C3: variants seen among roughly 807,000 people sequenced by gnomAD.
The protein encoded by C3 is C3 and PZP-like alpha-2-macroglobulin domain-containing protein 1.
C3 carries 97 observed loss-of-function variants against 207.9 expected under a neutral mutation model. That is an observed-to-expected ratio of 0.47 (90% CI 0.40 to 0.55). The LOEUF is 0.55. Ranked by LOEUF, C3 falls within the 20% of genes least tolerant of loss-of-function variation. The pLI, the probability that C3 is intolerant of heterozygous loss-of-function variation, is 0.00. For missense variants in C3, 1,684 were observed against 2,171.7 expected (o/e 0.78, Z 4.46); for synonymous variants, 848 against 857.6 (o/e 0.99, Z 0.20).
At chr19:6,717,571 TTTGTGTGTG>T (rs759800505) in intron 4 of C3, 37,578 of 240,142 alleles carry the variant, frequency 0.16, 3,551 homozygotes, top group Non-Finnish European at 0.2. Flanking sequence ...TGTGTTGTGT[TTTGTGTGTG>T]TTGTGTGTGT....
chr19:6,681,231 C>CT (rs929120011), intron 35 of C3, among the ~76,000 whole-genome samples: 1,880 of 138,200 alleles, frequency 0.014, 19 homozygotes, highest in Middle Eastern at 0.045. Context: ...TATCTACAAA[C>CT]TTTTTTTTTT....
chr19:6,677,830 A>C lies in C3; in HGVS notation c.*52T>G. ...TCTCCCTCTTGGCAAAGAACTCCAG[A>C]CACGTGAGATATAACTGAAGCTTTA... is the stretch of plus-strand genomic sequence containing the variant. On this transcript the variant is annotated 3_prime_UTR_variant, in exon 41 of 41. Coordinates refer to ENST00000245907, the MANE Select transcript of C3 (RefSeq NM_000064.4). 1 of 1,610,120 alleles carries C rather than the reference A, an allele frequency of 6.2e-7. No individual in the cohort carries two copies.
At chr19:6,698,138 T>G (rs1967580243) in intron 19 of C3, among the ~76,000 whole-genome samples, 1 of 151,978 alleles carries the variant, frequency 6.6e-6, no homozygotes, top group Admixed American at 6.6e-5. Flanking sequence ...TGCCTCAGCC[T>G]CTCGAGTAGC....
rs1967904878 is a variant in C3 at position 6,710,762 on chromosome 19, G to A, written c.1563C>T (p.Ile521=). Residue 521 remains isoleucine (I), a synonymous_variant, in exon 13 of 41, where the codon ATC becomes ATT. Coordinates refer to ENST00000245907, the MANE Select transcript of C3 (RefSeq NM_000064.4). ...GQDLVVLPLS[I]TTDFIPSFRL... is the part of the protein sequence containing the mutation. ...GGAAGGAAGGGATGAAGTCGGTGGT[G>A]ATGGACAGGGGCAGCACCACCAGGT... 2 of 1,613,904 alleles carry A rather than the reference G, an allele frequency of 1.2e-6. No homozygotes were observed. The highest frequency in any genetic ancestry group is 2.2e-5 in the East Asian group (1 of 44,886).
intron 24 of C3, among the ~76,000 whole-genome samples, 177 bp from the exon 25 acceptor site, chr19:6,693,664 AG>A (rs2145407354): frequency 7.4e-6 from 1 of 135,116 alleles, no homozygotes; most frequent in Non-Finnish European, 1.5e-5. Context: ...CAGAACGAGG[AG>A]GTGGAAAAGT....
At chr19:6,712,760 C>A in intron 9 of C3, 137 bp from the exon 10 acceptor site, 1 of 766,160 alleles carries the variant, frequency 1.3e-6, no homozygotes, top group African/African-American at 1.7e-5. Flanking sequence ...CCTGTGCCCC[C>A]CATCAGACTG....
At chr19:6,702,828 C>G (rs780722461) in intron 17 of C3, 117 of 421,596 alleles carry the variant, frequency 2.8e-4, no homozygotes, top group Non-Finnish European at 4.7e-4. Context: ...GAGGTCAGGA[C>G]TTTGAGACCA....
At chr19:6,680,941 G>A (rs1461295197) in intron 35 of C3, among the ~76,000 whole-genome samples, 4 of 152,098 alleles carry the variant, frequency 2.6e-5, no homozygotes, top group Non-Finnish European at 5.9e-5. Flanking sequence ...GCTCATGCTT[G>A]GAATCCCAGC....
At chr19:6,680,085 C>G in intron 36 of C3, 73 bp downstream of exon 36, 1 of 857,400 alleles carries the variant, frequency 1.2e-6, no homozygotes, top group Non-Finnish European at 2.0e-6. Flanking sequence ...CTCAGATCCC[C>G]ACAATTCATA....
intron 17 of C3, among the ~76,000 whole-genome samples, chr19:6,704,047 G>A (rs1967725119): frequency 6.6e-6 from 1 of 152,194 alleles, no homozygotes; most frequent in East Asian, 1.9e-4. Flanking sequence ...AGAGGCCAAG[G>A]TGGGAGGATG....
rs11569513 is a variant in C3 at position 6,690,449 on chromosome 19, C to G, written c.3489+180G>C. 0.11 allele frequency among the ~76,000 whole-genome samples: 16,075 copies of G among 152,212 alleles called. 1,022 individuals carry two copies. The highest frequency in any genetic ancestry group is 0.13 in the Non-Finnish European group (8,536 of 68,006). ...CTTAACATGTGAAACTATTAGAGGG[C>G]GGGTCTGTATTAGATGAGTTAAGTG... On this transcript the variant is annotated intron_variant, in intron 27 of 40. Transcript: ENST00000245907.
At chr19:6,693,561 G>A in intron 24 of C3, 74 bp from the exon 25 acceptor site, 3 of 1,354,646 alleles carry the variant, frequency 2.2e-6, no homozygotes, top group Non-Finnish European at 3.1e-6. Context: ...GGGCAGGGGC[G>A]GGGTGCAGAG....
chr19:6,701,935 C>G (rs1229028569), intron 19 of C3, among the ~76,000 whole-genome samples, 192 bp downstream of exon 19: 1 of 152,158 alleles, frequency 6.6e-6, no homozygotes, highest in Non-Finnish European at 1.5e-5. Context: ...TGACTCTTGG[C>G]TGAATTCTTT....
rs761085274 is a variant in C3 at position 6,718,417 on chromosome 19, G to A, written c.268-5C>T. The A allele has an allele frequency of 1.2e-5, 20 of 1,614,068 alleles. No homozygotes were observed. The East Asian group carries it at 2.5e-4, about 20-fold the overall frequency. On this transcript the variant is annotated splice_polypyrimidine_tract_variant and splice_region_variant and intron_variant, in intron 2 of 40. Coordinates refer to ENST00000245907, the MANE Select transcript of C3 (RefSeq NM_000064.4). ...GAACTCCCTGTTGGCTGGGATCTAGGCGTGGGCAGGGCATTGTCAGGGGTC... is the reference window on the plus strand; with the variant it reads ...GAACTCCCTGTTGGCTGGGATCTAGACGTGGGCAGGGCATTGTCAGGGGTC...
At chr19:6,684,534 A>G in intron 32 of C3, 26 bp downstream of exon 32, 1 of 1,594,926 alleles carries the variant, frequency 6.3e-7, no homozygotes, top group Non-Finnish European at 8.6e-7. Flanking sequence ...GAGGAAGGTG[A>G]CAGATAAGGC....
At position 6,684,370 on chromosome 19, in the gene C3, G is replaced by A. The variant is rs759470368; in HGVS notation, c.4172+18C>T. Reference sequence around the variant, plus strand: ...TAGAGGGATGGCCAAGATGAACCCCGGTGACCTAGCTTCTTACCTGGTACA... The same window carrying A: ...TAGAGGGATGGCCAAGATGAACCCCAGTGACCTAGCTTCTTACCTGGTACA... On this transcript the variant is annotated intron_variant, in intron 33 of 40. Transcript: ENST00000245907. The A allele has an allele frequency of 1.2e-5, 20 of 1,608,384 alleles. No individual in the cohort carries two copies. Among genetic ancestry groups the A allele is most frequent in the Middle Eastern group, 1.6e-4 (1 of 6,068 alleles).
Position 6,718,281 on chromosome 19 carries a change from CTGGA to C in C3, c.395_398del (p.Ile132ArgfsTer92). 6.2e-7 allele frequency: 1 copy of C among 1,614,220 alleles called. No individual in the cohort carries two copies. ...CAGGGGTGTAGATGGTCTTGTCTGTCTGGATGAAGAGGTACCCGCTCTGCAGGCT... is the reference window on the plus strand; with the variant it reads ...CAGGGGTGTAGATGGTCTTGTCTGTCTGAAGAGGTACCCGCTCTGCAGGCT... On this transcript the variant is annotated frameshift_variant, in exon 3 of 41. Coordinates refer to ENST00000245907, the MANE Select transcript of C3 (RefSeq NM_000064.4). LOFTEE classifies it high-confidence loss of function.
intron 17 of C3, among the ~76,000 whole-genome samples, chr19:6,705,667 TTTTTGTTTTG>T (rs1328004861): frequency 6.7e-6 from 1 of 149,060 alleles, no homozygotes; most frequent in African/African-American, 2.5e-5. Context: ...TTCCTTTCTT[TTTTTGTTTTG>T]TTTTGTTTTG....
intron 23 of C3, 50 bp from the exon 24 acceptor site, chr19:6,694,684 CTTGGGG>C: frequency 1.3e-6 from 2 of 1,562,124 alleles, no homozygotes; most frequent in Non-Finnish European, 1.7e-6. Flanking sequence ...GGTGACCCAC[CTTGGGG>C]TGGCGTGAAA....
Sources: allele counts gnomAD v4.1 joint callset (sites outside exome capture counted in the v4.1 genomes callset), GRCh38; gene constraint gnomAD v4.1.1; transcripts MANE v1.5; gene names NCBI Gene and HGNC (gene_info 2026-07-23, HGNC 2026-07-21).